Variants in PTPRD observed in about 807,000 individuals in gnomAD.
PTPRD encodes the protein protein tyrosine phosphatase receptor type D.
A neutral mutation model predicts 214.5 loss-of-function variants in PTPRD; 34 were observed. The ratio of observed to expected loss-of-function variants is 0.16; its 90% CI spans 0.12 to 0.21. The LOEUF (loss-of-function observed/expected upper bound fraction) is 0.21. PTPRD is among the 10% of genes least tolerant of loss of function. PTPRD has a pLI of 1.00. For missense variants in PTPRD, 2,545 were observed against 2,398.7 expected (o/e 1.06, Z -1.27); for synonymous variants, 1,128 against 845.7 (o/e 1.33, Z -5.79).
At chr9:8,905,724 G>C (rs1038658468) in intron 11 of PTPRD, among the ~76,000 whole-genome samples, 2 of 143,194 alleles carry the variant, frequency 1.4e-5, no homozygotes, top group Non-Finnish European at 3.0e-5. Flanking sequence ...GGGAGACAGA[G>C]TGAGACTCCC....
chr9:9,656,192 C>T (rs2096508470), intron 7 of PTPRD, among the ~76,000 whole-genome samples: 3 of 152,094 alleles, frequency 2.0e-5, no homozygotes, highest in Admixed American at 1.3e-4. Context: ...ATGATACAGC[C>T]ATTTTGGAAG....
chr9:10,457,322 G>A (rs1412392165), intron 2 of PTPRD, among the ~76,000 whole-genome samples: 1 of 151,896 alleles, frequency 6.6e-6, no homozygotes, highest in East Asian at 1.9e-4. Context: ...TCATACCCAT[G>A]CCATTCCATG....
In PTPRD at chr9:8,511,676, T is replaced by C. The variant is rs954625134; in HGVS notation, c.1544-4242A>G. 2.6e-5 allele frequency among the ~76,000 whole-genome samples: 4 copies of C among 152,240 alleles called. No homozygotes were observed. In the South Asian group the frequency reaches 8.3e-4, roughly 32 times the overall value. On this transcript the variant is annotated intron_variant, in intron 21 of 45. Coordinates refer to ENST00000381196, the MANE Select transcript of PTPRD (RefSeq NM_002839.4). The stretch of plus-strand genomic sequence containing the variant: ...TATTGACCATAAACCAGATTTACAA[T>C]AGGACATGGAAAGCAAAAATAAAAG...
chr9:10,149,813 C>G (rs537876925), intron 3 of PTPRD, among the ~76,000 whole-genome samples: 1 of 151,588 alleles, frequency 6.6e-6, no homozygotes, highest in Admixed American at 6.6e-5. Flanking sequence ...TCCTTGCAAC[C>G]TTTGCCTCCC....
Position 10,455,659 on chromosome 9 carries a change from T to G in PTPRD, c.-599-114642A>C, listed in dbSNP as rs189567729. 1.4e-3 allele frequency among the ~76,000 whole-genome samples: 212 copies of G among 151,892 alleles called. 1 individual carries two copies. The highest frequency in any genetic ancestry group is 4.9e-3 in the African/African-American group (205 of 41,544). Reference sequence around the variant, plus strand: ...TCACCATATAATTTGGATAGAAACTTTATGGGACATATTCATCCTTTGTTG... The same window carrying G: ...TCACCATATAATTTGGATAGAAACTGTATGGGACATATTCATCCTTTGTTG... On this transcript the variant is annotated intron_variant, in intron 2 of 45. Transcript: ENST00000381196.
At chr9:8,383,999 A>G (rs751542154) in intron 37 of PTPRD, among the ~76,000 whole-genome samples, 1 of 152,322 alleles carries the variant, frequency 6.6e-6, no homozygotes, top group African/African-American at 2.4e-5. Context: ...TGGGAGACAG[A>G]GTAGGAGAGA....
At chr9:9,299,920 C>G (rs544930539) in intron 9 of PTPRD, among the ~76,000 whole-genome samples, 1 of 150,170 alleles carries the variant, frequency 6.7e-6, no homozygotes, top group Non-Finnish European at 1.5e-5. Flanking sequence ...TTTTACTCTA[C>G]GTGACAGCTA....
intron 5 of PTPRD, among the ~76,000 whole-genome samples, chr9:9,903,903 T>C (rs75305367): frequency 1.1e-3 from 164 of 152,272 alleles, no homozygotes; most frequent in African/African-American, 3.9e-3. Context: ...GTTTTCAAAA[T>C]GTGTCAATCA....
At chr9:9,022,026 G>A (rs117376590) in intron 10 of PTPRD, among the ~76,000 whole-genome samples, 14 of 151,958 alleles carry the variant, frequency 9.2e-5, no homozygotes, top group Admixed American at 2.6e-4. Flanking sequence ...TAATGCATGC[G>A]GGGCTTAAAA....
chr9:10,375,568 A>G (rs1482542558), intron 2 of PTPRD, among the ~76,000 whole-genome samples: 2 of 152,060 alleles, frequency 1.3e-5, no homozygotes, highest in African/African-American at 2.4e-5. Flanking sequence ...TATCTTTGCT[A>G]ATCAGATTCC....
At chr9:9,988,769 T>C (rs2095807186) in intron 4 of PTPRD, among the ~76,000 whole-genome samples, 2 of 152,034 alleles carry the variant, frequency 1.3e-5, no homozygotes, top group South Asian at 2.1e-4. Flanking sequence ...ATTTTTAAGA[T>C]ACATACATTT....
chr9:9,594,751 G>C (rs770941555), intron 7 of PTPRD, among the ~76,000 whole-genome samples: 1 of 151,958 alleles, frequency 6.6e-6, no homozygotes, highest in African/African-American at 2.4e-5. Context: ...TGGCTATGTC[G>C]GCTTTTTGCA....
intron 2 of PTPRD, among the ~76,000 whole-genome samples, chr9:10,380,176 CAA>C (rs2097792434): frequency 6.6e-6 from 1 of 151,960 alleles, no homozygotes; most frequent in Non-Finnish European, 1.5e-5. Flanking sequence ...AATTAACGTT[CAA>C]AGAGAACCAA....
rs557723894 is a variant in PTPRD at position 8,541,875 on chromosome 9, T to G, written c.353-13096A>C. Among the ~76,000 whole-genome samples, 10 of 152,274 alleles carry G rather than the reference T, an allele frequency of 6.6e-5. No homozygotes were observed. The South Asian group carries it at 1.9e-3, about 28-fold the overall frequency. Reference sequence around the variant, plus strand: ...GGATAGAAATTTATTCACTATGCTTTCAAATATCAAAAATATTAAGAAGCT... The same window carrying G: ...GGATAGAAATTTATTCACTATGCTTGCAAATATCAAAAATATTAAGAAGCT... On this transcript the variant is annotated intron_variant, in intron 14 of 45. Coordinates refer to ENST00000381196, the MANE Select transcript of PTPRD (RefSeq NM_002839.4).
intron 10 of PTPRD, among the ~76,000 whole-genome samples, chr9:9,153,979 G>T (rs1177994408): frequency 2.6e-5 from 4 of 152,108 alleles, no homozygotes; most frequent in African/African-American, 9.7e-5. Flanking sequence ...ATACTTCCCT[G>T]CCCTGTTGAC....
chr9:9,791,273 C>A (rs186128889), intron 5 of PTPRD, among the ~76,000 whole-genome samples: 3 of 152,058 alleles, frequency 2.0e-5, no homozygotes, highest in East Asian at 3.9e-4. Context: ...AAAAGGTGTT[C>A]TGGAATTATT....
intron 2 of PTPRD, among the ~76,000 whole-genome samples, chr9:10,390,531 T>C (rs2154490656): frequency 6.6e-6 from 1 of 151,930 alleles, no homozygotes; most frequent in Non-Finnish European, 1.5e-5. Flanking sequence ...AGAATGCACA[T>C]ACTGTATGTG....
At chr9:9,382,319 G>A (rs538972671) in intron 9 of PTPRD, among the ~76,000 whole-genome samples, 1 of 151,958 alleles carries the variant, frequency 6.6e-6, no homozygotes, top group Non-Finnish European at 1.5e-5. Flanking sequence ...TGACATTTTG[G>A]ATATGATAAC....
intron 3 of PTPRD, among the ~76,000 whole-genome samples, chr9:10,171,308 G>T (rs2099203675): frequency 6.6e-6 from 1 of 151,952 alleles, no homozygotes; most frequent in Non-Finnish European, 1.5e-5. Flanking sequence ...AATCACGGGG[G>T]TGGTTTCCTC....
Sources: gnomAD v4.1 joint callset for allele counts (sites outside exome capture counted in the v4.1 genomes callset) on GRCh38, gnomAD v4.1.1 for gene constraint, MANE v1.5 for transcripts, NCBI Gene and HGNC (gene_info 2026-07-23, HGNC 2026-07-21) for gene names.